MATN2: variants seen among roughly 807,000 people sequenced by gnomAD.
MATN2 encodes the protein matrilin-2.
Under a neutral mutation model 103.2 loss-of-function variants are expected in MATN2, and 69 were observed. That is an observed-to-expected ratio of 0.67 (90% confidence interval 0.55 to 0.82). The LOEUF is 0.82. Among genes scored for constraint, MATN2 ranks in the 40% least tolerant of loss-of-function variants. The probability of loss-of-function intolerance (pLI) is 0.00; values close to 1 mark genes in which losing one functional copy is unlikely to be tolerated. For missense variants in MATN2, 1,023 were observed against 1,211.5 expected (o/e 0.84, Z 2.31); for synonymous variants, 429 against 450.2 (o/e 0.95, Z 0.60).
In MATN2 at chr8:97,931,246, A is replaced by G. The variant is rs774021302; in HGVS notation, c.436A>G (p.Ile146Val). 6.2e-7 allele frequency: 1 copy of G among 1,613,958 alleles called. No individual in the cohort carries two copies. The highest frequency in any genetic ancestry group is 8.5e-7 in the Non-Finnish European group (1 of 1,179,864). Residue 146 changes from isoleucine to valine, a missense_variant, in exon 3 of 19, where the codon ATC becomes GTC. Physicochemically the swap from Ile to Val is conservative, Grantham distance 29 (BLOSUM62 3). Coordinates refer to ENST00000254898, the MANE Select transcript of MATN2 (RefSeq NM_002380.5). This position sits in a 1 kb window ranked among gnomAD's most constrained non-coding sequence, Gnocchi z 4.1. ...TGLAIQYALN[I>V]AFSEAEGARP... ...GCTGGCCATCCAGTATGCCCTGAAC[A>G]TCGCATTCTCAGAAGCAGAGGGGGC...
chr8:98,021,424 C>T (rs1813586832), intron 13 of MATN2, 97 bp downstream of exon 13: 2 of 1,339,496 alleles, frequency 1.5e-6, no homozygotes, highest in East Asian at 2.4e-5. Flanking sequence ...CTCTGCTTCT[C>T]CCATAAATAT....
intron 5 of MATN2, among the ~76,000 whole-genome samples, chr8:97,963,238 T>G (rs1007567441): frequency 3.3e-5 from 5 of 152,220 alleles, no homozygotes; most frequent in African/African-American, 1.2e-4. Context: ...CTACTATTTG[T>G]TAAATGGGTA....
Position 98,035,725 on chromosome 8 carries a change from G to A in MATN2, c.*13G>A, listed in dbSNP as rs376487178. 147 of 1,583,960 alleles carry A rather than the reference G, an allele frequency of 9.3e-5. No individual in the cohort carries two copies. The highest frequency in any genetic ancestry group is 1.2e-4 in the Non-Finnish European group (135 of 1,158,374). ...GAGATACAGATGAAGATTAGAAATC[G>A]CGACACATTTGTAGTCATTGTATCA... On this transcript the variant is annotated 3_prime_UTR_variant, in exon 19 of 19. Coordinates refer to ENST00000254898, the MANE Select transcript of MATN2 (RefSeq NM_002380.5).
At chr8:97,997,580 G>C (rs1006254773) in intron 7 of MATN2, among the ~76,000 whole-genome samples, 3 of 152,172 alleles carry the variant, frequency 2.0e-5, no homozygotes, top group Admixed American at 6.5e-5. Flanking sequence ...CAGAGCTTTA[G>C]TGGACACTCT....
intron 10 of MATN2, among the ~76,000 whole-genome samples, chr8:98,011,200 C>G (rs200888940): frequency 1.3e-5 from 2 of 152,126 alleles, no homozygotes; most frequent in East Asian, 3.9e-4. Context: ...AACACTAATC[C>G]TATCAGGTCA....
At chr8:98,008,678 G>T (rs915899153) in intron 10 of MATN2, among the ~76,000 whole-genome samples, 1 of 152,128 alleles carries the variant, frequency 6.6e-6, no homozygotes, top group Admixed American at 6.5e-5. Context: ...GCTCAGGGAG[G>T]GATCGGGCAC....
At chr8:97,893,373 C>G (rs1380774671) in intron 2 of MATN2, among the ~76,000 whole-genome samples, 1 of 152,114 alleles carries the variant, frequency 6.6e-6, no homozygotes, top group Non-Finnish European at 1.5e-5. Flanking sequence ...CTAGGCCCTC[C>G]TCAAGGGGGC....
intron 8 of MATN2, among the ~76,000 whole-genome samples, chr8:98,006,330 A>G (rs142776488): frequency 1.8e-4 from 27 of 152,358 alleles, no homozygotes; most frequent in African/African-American, 5.5e-4. Context: ...ATTCTTACTC[A>G]GCACTACTTG....
intron 3 of MATN2, among the ~76,000 whole-genome samples, chr8:97,934,916 CT>C (rs1195638887): frequency 6.6e-6 from 1 of 152,204 alleles, no homozygotes; most frequent in Non-Finnish European, 1.5e-5. Flanking sequence ...CATTACTCAG[CT>C]TTTAGCTTAA....
chr8:98,033,245 CT>C, intron 17 of MATN2, 69 bp downstream of exon 17: 1 of 1,358,964 alleles, frequency 7.4e-7, no homozygotes. Context: ...ACAACCTTAG[CT>C]TTAAGGAGGA....
intron 6 of MATN2, among the ~76,000 whole-genome samples, chr8:97,990,179 CAAAAAAA>C (rs34924183): frequency 4.8e-4 from 22 of 45,810 alleles, no homozygotes; most frequent in African/African-American, 1.3e-3. Flanking sequence ...AAGACTCTGT[CAAAAAAA>C]AAAAAAAAAA....
chr8:97,947,521 C>T (rs997068455), intron 4 of MATN2, among the ~76,000 whole-genome samples: 3 of 151,942 alleles, frequency 2.0e-5, no homozygotes, highest in African/African-American at 7.3e-5. Context: ...GGTATAATGG[C>T]ATCAAAAATA....
chr8:97,990,175 C>A (rs1812343637), intron 6 of MATN2, among the ~76,000 whole-genome samples: 1 of 78,778 alleles, frequency 1.3e-5, no homozygotes, highest in Non-Finnish European at 2.1e-5. Flanking sequence ...GAGCAAGACT[C>A]TGTCAAAAAA....
intron 5 of MATN2, among the ~76,000 whole-genome samples, chr8:97,971,410 A>G (rs59103107): frequency 0.019 from 2,934 of 152,240 alleles, 91 homozygotes; most frequent in African/African-American, 0.067. Context: ...GAGTAAGTGG[A>G]ACGTTCAATT....
intron 5 of MATN2, among the ~76,000 whole-genome samples, chr8:97,970,251 A>C (rs1426891169): frequency 6.6e-6 from 1 of 152,164 alleles, no homozygotes; most frequent in Non-Finnish European, 1.5e-5. Flanking sequence ...AATGATAGTA[A>C]GGGATGGTAA....
intron 3 of MATN2, among the ~76,000 whole-genome samples, chr8:97,940,275 AT>A: frequency 6.6e-6 from 1 of 152,212 alleles, no homozygotes. Flanking sequence ...CATCATCTCT[AT>A]TTTTAAAAAT....
intron 7 of MATN2, among the ~76,000 whole-genome samples, chr8:97,996,984 T>C (rs1050133501): frequency 1.3e-5 from 2 of 152,252 alleles, no homozygotes; most frequent in African/African-American, 2.4e-5. Flanking sequence ...GGCAGAATCC[T>C]ACTGAAGAAA....
intron 2 of MATN2, among the ~76,000 whole-genome samples, chr8:97,912,428 G>C (rs560001177): frequency 6.6e-6 from 1 of 152,080 alleles, no homozygotes; most frequent in African/African-American, 2.4e-5. Context: ...GCATTGAAGC[G>C]CTGAGAGCGC....
intron 2 of MATN2, among the ~76,000 whole-genome samples, chr8:97,913,137 C>T (rs1360820151): frequency 6.6e-6 from 1 of 152,160 alleles, no homozygotes; most frequent in Non-Finnish European, 1.5e-5. Flanking sequence ...ATCCACCCCA[C>T]TTCATCCTTT....
Sources: allele counts gnomAD v4.1 joint callset (sites outside exome capture counted in the v4.1 genomes callset), GRCh38; gene constraint gnomAD v4.1.1; non-coding constraint Gnocchi (gnomAD v3.1); transcripts MANE v1.5; gene names NCBI Gene and HGNC (gene_info 2026-07-23, HGNC 2026-07-21).